The following TOM1L2 variants were observed in gnomAD, a reference collection of about 807,000 sequenced individuals.
TOM1L2 encodes the protein TOM1-like protein 2.
A neutral mutation model predicts 67.9 loss-of-function variants in TOM1L2; 31 were observed. That is an observed-to-expected ratio of 0.46 (90% CI 0.34 to 0.62). The LOEUF (loss-of-function observed/expected upper bound fraction) is 0.62. Among genes scored for constraint, TOM1L2 ranks in the 20% least tolerant of loss-of-function variants. The probability of loss-of-function intolerance (pLI) is 0.01; values close to 1 mark genes in which losing one functional copy is unlikely to be tolerated. For missense variants in TOM1L2, 606 were observed against 663.5 expected, an observed-to-expected ratio of 0.91 and a Z score of 0.95; for synonymous variants, 256 against 254.0, an observed-to-expected ratio of 1.01 and a Z score of -0.07.
intron 4 of TOM1L2, among the ~76,000 whole-genome samples, chr17:17,892,090 T>C (rs1568184205): frequency 6.6e-6 from 1 of 152,114 alleles, no homozygotes; most frequent in African/African-American, 2.4e-5. Flanking sequence ...AAAAGGATGA[T>C]GTGAGACAGA....
chr17:17,928,289 T>A (rs74582416), intron 1 of TOM1L2, among the ~76,000 whole-genome samples: 2,851 of 152,316 alleles, frequency 0.019, 49 homozygotes, highest in Non-Finnish European at 0.03. Flanking sequence ...AAAACACTGC[T>A]GCTCCCAACA....
rs1446117074 is a variant in TOM1L2 at position 17,866,300 on chromosome 17, G to T, written c.1080C>A (p.Gly360=). The T allele has an allele frequency of 6.2e-7, 1 of 1,612,606 alleles. No homozygotes were observed. The highest frequency in any genetic ancestry group is 8.5e-7 in the Non-Finnish European group (1 of 1,179,486). Residue 360 remains glycine, a synonymous_variant, in exon 10 of 15, where the codon GGC becomes GGA. Coordinates refer to ENST00000379504, the MANE Select transcript of TOM1L2 (RefSeq NM_001082968.2). ...PPSSLSSQLA[G]LDLGTESVSG... is the part of the protein sequence containing the mutation. ...TTGTCCCTGTGAGACACTCACCTAA[G>T]CCTGCAAGCTGGGAGGAGAGGGAAG...
At chr17:17,944,446 T>C (rs1460663270) in intron 1 of TOM1L2, among the ~76,000 whole-genome samples, 5 of 152,258 alleles carry the variant, frequency 3.3e-5, no homozygotes, top group Admixed American at 3.3e-4. Flanking sequence ...CACCGACAGC[T>C]TGACGCTCCC....
intron 2 of TOM1L2, among the ~76,000 whole-genome samples, chr17:17,905,651 G>T (rs905264583): frequency 6.6e-6 from 1 of 152,136 alleles, no homozygotes; most frequent in African/African-American, 2.4e-5. Flanking sequence ...CAATCTTCCT[G>T]CCTCAGCCTC....
chr17:17,950,846 G>A (rs2041171616), intron 1 of TOM1L2, among the ~76,000 whole-genome samples: 1 of 152,190 alleles, frequency 6.6e-6, no homozygotes, highest in South Asian at 2.1e-4. Context: ...GTAGTCCCCA[G>A]GAGAATGGAA....
chr17:17,893,847 G>A (rs779246477), intron 3 of TOM1L2, 37 bp from the exon 4 acceptor site: 2 of 1,600,480 alleles, frequency 1.2e-6, no homozygotes, highest in Non-Finnish European at 1.7e-6. Context: ...TCACCCCAGT[G>A]GGAGCTGGAG....
chr17:17,909,897 C>T (rs992495882), intron 1 of TOM1L2, among the ~76,000 whole-genome samples: 1 of 152,076 alleles, frequency 6.6e-6, no homozygotes, highest in Non-Finnish European at 1.5e-5. Flanking sequence ...GGCATAGTGG[C>T]TTGTGCCTGT....
At chr17:17,909,846 T>C (rs1568241094) in intron 1 of TOM1L2, among the ~76,000 whole-genome samples, 2 of 152,098 alleles carry the variant, frequency 1.3e-5, no homozygotes, top group South Asian at 2.1e-4. Flanking sequence ...TTGGGCAACA[T>C]AGCAAGACAT....
At chr17:17,852,864 TAAAAAAAAAAAAAAA>T (rs552138706) in intron 12 of TOM1L2, among the ~76,000 whole-genome samples, 1 of 37,728 alleles carries the variant, frequency 2.7e-5, no homozygotes, top group Non-Finnish European at 5.3e-5. Context: ...AAACTCTGTC[TAAAAAAAAAAAAAAA>T]AAAAAAAAAA....
chr17:17,941,806 A>G (rs533231938), intron 1 of TOM1L2, among the ~76,000 whole-genome samples: 1 of 152,322 alleles, frequency 6.6e-6, no homozygotes, highest in Admixed American at 6.5e-5. Context: ...CAGATAACCT[A>G]TGAACCTCAT....
rs187381567 is a variant in TOM1L2, at chr17:17,956,863, C to T, written c.52+15399G>A. On this transcript the variant is annotated intron_variant, in intron 1 of 14. Transcript: ENST00000379504. Reference sequence around the variant, plus strand: ...CGCCCGCGCCTCTCCCTCCACATCTCCCTGCAAGCTGAGGGAGGCGGCTCC... The same window carrying T: ...CGCCCGCGCCTCTCCCTCCACATCTTCCTGCAAGCTGAGGGAGGCGGCTCC... 3.3e-5 allele frequency among the ~76,000 whole-genome samples: 5 copies of T among 152,346 alleles called. No homozygotes were observed. In the East Asian group the frequency reaches 9.6e-4, roughly 29 times the overall value.
intron 13 of TOM1L2, among the ~76,000 whole-genome samples, chr17:17,849,680 T>C (rs1354163966): frequency 6.6e-6 from 1 of 152,166 alleles, no homozygotes; most frequent in Non-Finnish European, 1.5e-5. Context: ...GACAAAGCCC[T>C]GGGCTGGGCT....
chr17:17,856,233 G>A (rs1467574001), intron 12 of TOM1L2, among the ~76,000 whole-genome samples: 1 of 152,280 alleles, frequency 6.6e-6, no homozygotes, highest in Non-Finnish European at 1.5e-5. Flanking sequence ...CAGAAGCCCT[G>A]CTGCAAAGGC....
chr17:17,885,722 A>G (rs111535749), intron 4 of TOM1L2, among the ~76,000 whole-genome samples: 5,907 of 152,094 alleles, frequency 0.039, 409 homozygotes, highest in African/African-American at 0.13. Flanking sequence ...CAGGAGATCA[A>G]GACCATCCTG....
chr17:17,893,143 C>T (rs1048929630), intron 4 of TOM1L2, among the ~76,000 whole-genome samples: 4 of 152,220 alleles, frequency 2.6e-5, no homozygotes, highest in South Asian at 2.1e-4. Flanking sequence ...CTCTTTGATG[C>T]GTCTGGGCCT....
intron 1 of TOM1L2, among the ~76,000 whole-genome samples, chr17:17,923,179 C>T (rs996078138): frequency 6.6e-6 from 1 of 152,032 alleles, no homozygotes; most frequent in Non-Finnish European, 1.5e-5. Flanking sequence ...AGGCGGATCG[C>T]CTGAGATCAA....
Position 17,866,411 on chromosome 17 carries a change from A to G in TOM1L2, c.969T>C (p.Asn323=), listed in dbSNP as rs746047482. Residue 323 remains asparagine (N), a synonymous_variant, in exon 10 of 15, where the codon AAT becomes AAC. Transcript: ENST00000379504. ...SVQNASNGVL[N]EVTEDNLIDL... Reference sequence around the variant, plus strand: ...CTATTAAGTTGTCTTCGGTTACTTCATTCAGTACCTGTCAGAACATGAGAT... The same window carrying G: ...CTATTAAGTTGTCTTCGGTTACTTCGTTCAGTACCTGTCAGAACATGAGAT... 2.5e-6 allele frequency: 4 copies of G among 1,599,472 alleles called. No homozygotes were observed. Among genetic ancestry groups the G allele is most frequent in the Non-Finnish European group, 3.4e-6 (4 of 1,171,576 alleles).
intron 5 of TOM1L2, among the ~76,000 whole-genome samples, chr17:17,883,472 C>A (rs191884913): frequency 6.6e-6 from 1 of 152,140 alleles, no homozygotes; most frequent in East Asian, 1.9e-4. Context: ...CGGTGGCTTA[C>A]GCCTGTAATC....
intron 4 of TOM1L2, among the ~76,000 whole-genome samples, chr17:17,890,814 C>T (rs951028279): frequency 2.0e-5 from 3 of 152,168 alleles, no homozygotes; most frequent in East Asian, 1.9e-4. Flanking sequence ...AAGTTGTATA[C>T]ACTTTTATGT....
Sources: gnomAD v4.1 joint callset for allele counts (sites outside exome capture counted in the v4.1 genomes callset) on GRCh38, gnomAD v4.1.1 for gene constraint, MANE v1.5 for transcripts, NCBI Gene and HGNC (gene_info 2026-07-23, HGNC 2026-07-21) for gene names.